Variants in IFT140 observed in about 807,000 individuals in gnomAD.
The protein encoded by IFT140 is intraflagellar transport protein 140 homolog.
In IFT140, 133 loss-of-function variants were observed where a neutral mutation model predicts 164.6. The ratio of observed to expected loss-of-function variants is 0.81; its 90% CI spans 0.70 to 0.93. The LOEUF is 0.93. Ranked by LOEUF, IFT140 falls within the 40% of genes least tolerant of loss-of-function variation. The pLI, the probability that IFT140 is intolerant of heterozygous loss-of-function variation, is 0.00. For synonymous variants in IFT140, 860 were observed against 817.3 expected, an observed-to-expected ratio of 1.05 and a Z score of -0.89; for missense variants, 2,045 against 1,972.3, an observed-to-expected ratio of 1.04 and a Z score of -0.70.
intron 19 of IFT140, among the ~76,000 whole-genome samples, chr16:1,544,644 C>CTTTTTCTTT (rs1001305584): frequency 1.3e-5 from 2 of 151,612 alleles, no homozygotes; most frequent in Admixed American, 6.6e-5. Flanking sequence ...CACTGCATTT[C>CTTTTTCTTT]TTTTTCTTTT....
At chr16:1,524,721 G>A (rs373121582) in intron 23 of IFT140, 26 bp from the exon 24 acceptor site, 5 of 1,579,142 alleles carry the variant, frequency 3.2e-6, no homozygotes, top group African/African-American at 1.3e-5. Flanking sequence ...ACCCAAAGAC[G>A]AGACACGGTG....
chr16:1,550,637 G>A (rs1265094398), intron 19 of IFT140, among the ~76,000 whole-genome samples: 2 of 152,186 alleles, frequency 1.3e-5, no homozygotes, highest in Admixed American at 6.5e-5. Flanking sequence ...GCCGGGCTCA[G>A]TTCTGCCTAC....
chr16:1,584,890 A>G (rs981709006), intron 10 of IFT140, among the ~76,000 whole-genome samples: 21 of 152,250 alleles, frequency 1.4e-4, no homozygotes, highest in African/African-American at 5.1e-4. Flanking sequence ...AAAATAGGAA[A>G]GTATAAATTC....
intron 13 of IFT140, among the ~76,000 whole-genome samples, chr16:1,574,374 G>A (rs1489438563): frequency 6.6e-6 from 1 of 152,008 alleles, no homozygotes; most frequent in African/African-American, 2.4e-5. Context: ...AACCTCCCTA[G>A]GCTCAGGTAA....
intron 13 of IFT140, among the ~76,000 whole-genome samples, chr16:1,576,026 C>T (rs551546141): frequency 3.9e-5 from 6 of 152,090 alleles, no homozygotes; most frequent in African/African-American, 1.4e-4. Context: ...TGGCTCACAC[C>T]TGTAATCCCA....
At chr16:1,561,557 T>C (rs910213516) in intron 18 of IFT140, among the ~76,000 whole-genome samples, 1 of 152,206 alleles carries the variant, frequency 6.6e-6, no homozygotes, top group Non-Finnish European at 1.5e-5. Flanking sequence ...GGTCTTTACT[T>C]CATTCTTTGT....
At chr16:1,567,432 C>A (rs1235025174) in intron 15 of IFT140, among the ~76,000 whole-genome samples, 1 of 152,186 alleles carries the variant, frequency 6.6e-6, no homozygotes, top group Non-Finnish European at 1.5e-5. Flanking sequence ...CCAGTCCTCA[C>A]CCGCTCACTC....
At chr16:1,544,897 C>T (rs2032035700) in intron 19 of IFT140, among the ~76,000 whole-genome samples, 1 of 152,216 alleles carries the variant, frequency 6.6e-6, no homozygotes, top group Non-Finnish European at 1.5e-5. Flanking sequence ...ATCCGCCCGC[C>T]TCGGCCTCCC....
In IFT140 at chr16:1,518,406, C is replaced by T. The variant is rs370169485; in HGVS notation, c.4041-49G>A. On this transcript the variant is annotated intron_variant, in intron 29 of 30. Transcript: ENST00000426508. Reference sequence around the variant, plus strand: ...TGGGCCCCGAAGCCCTGAACACCTACTGCTATCAGAGGTCAGAGGAGACTC... The same window carrying T: ...TGGGCCCCGAAGCCCTGAACACCTATTGCTATCAGAGGTCAGAGGAGACTC... 1.7e-5 allele frequency: 27 copies of T among 1,575,696 alleles called. No homozygotes were observed. The African/African-American group carries it at 3.0e-4, about 17-fold the overall frequency.
intron 17 of IFT140, among the ~76,000 whole-genome samples, chr16:1,562,596 A>G (rs2033476919): frequency 1.3e-5 from 2 of 152,076 alleles, no homozygotes; most frequent in Non-Finnish European, 1.5e-5. Context: ...ACGTGATGAA[A>G]CCCCGTCTCT....
chr16:1,586,874 T>C (rs2034912625), intron 9 of IFT140, among the ~76,000 whole-genome samples: 1 of 152,148 alleles, frequency 6.6e-6, no homozygotes, highest in African/African-American at 2.4e-5. Flanking sequence ...ACCTGGCTAA[T>C]TTTTGTATTT....
intron 22 of IFT140, 78 bp from the exon 23 acceptor site, chr16:1,524,994 C>T: frequency 2.0e-6 from 3 of 1,526,920 alleles, no homozygotes; most frequent in South Asian, 2.4e-5. Context: ...CGCCCCTGTG[C>T]CACCCTTAGA....
chr16:1,555,304 T>C, intron 19 of IFT140: 1 of 451,864 alleles, frequency 2.2e-6, no homozygotes, highest in Non-Finnish European at 4.0e-6. Flanking sequence ...AGCTGGAAGC[T>C]GAGACACAGG....
At chr16:1,545,815 T>G (rs2141334063) in intron 19 of IFT140, among the ~76,000 whole-genome samples, 1 of 152,352 alleles carries the variant, frequency 6.6e-6, no homozygotes, top group East Asian at 1.9e-4. Flanking sequence ...TTGCTCTCGC[T>G]CCATGAATGT....
chr16:1,535,739 G>C (rs981934320), intron 19 of IFT140, among the ~76,000 whole-genome samples: 1 of 152,226 alleles, frequency 6.6e-6, no homozygotes, highest in Non-Finnish European at 1.5e-5. Flanking sequence ...CAACCCCCTT[G>C]TCCACTCAAA....
rs1027482178 is a variant in IFT140, at chr16:1,564,644, A to G, written c.1902-482T>C. ...AAGTTCTATGTTGGATGGGTCCAGA[A>G]CTCAACAAAATGCTGTGGGGAAACA... On this transcript the variant is annotated intron_variant, in intron 16 of 30. Coordinates refer to ENST00000426508, the MANE Select transcript of IFT140 (RefSeq NM_014714.4). The surrounding 1 kb of genome is among the most constrained non-coding windows in gnomAD (Gnocchi z 5.5). 1.3e-5 allele frequency among the ~76,000 whole-genome samples: 2 copies of G among 152,076 alleles called. No homozygotes were observed. The highest frequency in any genetic ancestry group is 4.8e-5 in the African/African-American group (2 of 41,408).
In IFT140 at chr16:1,565,174, T is replaced by A. The variant is rs1048722134; in HGVS notation, c.1901+987A>T. 3.9e-5 allele frequency among the ~76,000 whole-genome samples: 6 copies of A among 152,084 alleles called. No individual in the cohort carries two copies. The South Asian group carries it at 6.2e-4, about 16-fold the overall frequency. ...GGAAAAGCATGAATGAAAAGACATT[T>A]TGGTATGAGAAACGCTGCGGACCTG... is the stretch of plus-strand genomic sequence containing the variant. On this transcript the variant is annotated intron_variant, in intron 16 of 30. Transcript: ENST00000426508.
chr16:1,514,359 C>T (rs1016364059), intron 30 of IFT140: 2 of 150,886 alleles, frequency 1.3e-5, no homozygotes, highest in African/African-American at 4.9e-5. Flanking sequence ...GATAGAGCGA[C>T]ACTCCATCTC....
chr16:1,575,678 A>G (rs536218078), intron 13 of IFT140, among the ~76,000 whole-genome samples: 21 of 152,238 alleles, frequency 1.4e-4, no homozygotes, highest in African/African-American at 4.8e-4. Flanking sequence ...ATTTCCCATC[A>G]TGCCACTAGT....
Sources: gnomAD v4.1 joint callset for allele counts (sites outside exome capture counted in the v4.1 genomes callset) on GRCh38, gnomAD v4.1.1 for gene constraint, Gnocchi (gnomAD v3.1) non-coding constraint, MANE v1.5 for transcripts, NCBI Gene and HGNC (gene_info 2026-07-23, HGNC 2026-07-21) for gene names.